Variants in CAMKMT observed in about 807,000 individuals in gnomAD.
CAMKMT encodes the protein CaM KMT.
A neutral mutation model predicts 48.0 loss-of-function variants in CAMKMT; 53 were observed. The observed-to-expected ratio is 1.10, with a 90% CI of 0.89 to 1.39. CAMKMT has a LOEUF of 1.39. Among genes scored for constraint, CAMKMT ranks in the 40% most tolerant of loss-of-function variants. The pLI, the probability that CAMKMT is intolerant of heterozygous loss-of-function variation, is 0.00. For missense variants in CAMKMT, 428 were observed against 402.7 expected, an observed-to-expected ratio of 1.06 and a Z score of -0.54; for synonymous variants, 165 against 152.3, an observed-to-expected ratio of 1.08 and a Z score of -0.61.
At chr2:44,562,719 CCCA>C (rs1668388004) in intron 3 of CAMKMT, among the ~76,000 whole-genome samples, 1 of 152,178 alleles carries the variant, frequency 6.6e-6, no homozygotes. Context: ...TGCCACCACA[CCCA>C]GCTAATTCTT....
chr2:44,753,899 C>A (rs929144655), intron 8 of CAMKMT, among the ~76,000 whole-genome samples, 156 bp from the exon 9 acceptor site: 6 of 152,222 alleles, frequency 3.9e-5, no homozygotes, highest in African/African-American at 1.4e-4. Flanking sequence ...CTTCTCCCCT[C>A]CCACCCCCTC....
At position 44,692,461 on chromosome 2, in the gene CAMKMT, T is replaced by G. The variant is rs534457209; in HGVS notation, c.377-11822T>G. 1.8e-3 allele frequency among the ~76,000 whole-genome samples: 267 copies of G among 152,206 alleles called. 1 individual carries two copies. The highest frequency in any genetic ancestry group is 2.8e-3 in the Non-Finnish European group (189 of 68,030). ...TTATTCTCTATTTCGTTAACATGTT[T>G]TATTTCCTTCACAGCACTATTCACT... On this transcript the variant is annotated intron_variant, in intron 3 of 10. Transcript: ENST00000378494.
chr2:44,691,981 G>T (rs1319447341), intron 3 of CAMKMT, among the ~76,000 whole-genome samples: 1 of 152,122 alleles, frequency 6.6e-6, no homozygotes, highest in Non-Finnish European at 1.5e-5. Context: ...ATCATATATT[G>T]TACAGAGTGA....
At chr2:44,634,967 G>C (rs1220535383) in intron 3 of CAMKMT, among the ~76,000 whole-genome samples, 1 of 152,186 alleles carries the variant, frequency 6.6e-6, no homozygotes, top group East Asian at 1.9e-4. Flanking sequence ...GCAGTGCTTT[G>C]GGAGGCCAAG....
chr2:44,420,205 T>C (rs991583965), intron 3 of CAMKMT, among the ~76,000 whole-genome samples: 5 of 152,168 alleles, frequency 3.3e-5, no homozygotes, highest in Non-Finnish European at 7.4e-5. Flanking sequence ...GCATATGAAA[T>C]AAAAAGGTGA....
chr2:44,524,965 TA>T (rs200808019), intron 3 of CAMKMT, among the ~76,000 whole-genome samples: 3,381 of 98,264 alleles, frequency 0.034, 107 homozygotes, highest in African/African-American at 0.09. Context: ...GCAAATTTCA[TA>T]AAAAAAAAAA....
At chr2:44,742,831 TA>T (rs1174173856) in intron 7 of CAMKMT, among the ~76,000 whole-genome samples, 4 of 152,094 alleles carry the variant, frequency 2.6e-5, no homozygotes, top group Non-Finnish European at 4.4e-5. Context: ...CGGTTAGGTT[TA>T]AAGAATCAAA....
At chr2:44,431,130 C>G (rs552361009) in intron 3 of CAMKMT, among the ~76,000 whole-genome samples, 6 of 152,250 alleles carry the variant, frequency 3.9e-5, no homozygotes, top group Admixed American at 3.9e-4. Context: ...TTAACCTATT[C>G]TTTTTAATGA....
chr2:44,577,814 C>A (rs138151699), intron 3 of CAMKMT, among the ~76,000 whole-genome samples: 3 of 152,020 alleles, frequency 2.0e-5, no homozygotes, highest in Non-Finnish European at 4.4e-5. Flanking sequence ...CTGCAGTGGA[C>A]CCAATTAAAT....
chr2:44,607,982 T>A lies in CAMKMT; in HGVS notation c.377-96301T>A, dbSNP rs548846792. 6.6e-5 allele frequency among the ~76,000 whole-genome samples: 10 copies of A among 152,086 alleles called. No homozygotes were observed. The East Asian group carries it at 1.9e-3, about 29-fold the overall frequency. On this transcript the variant is annotated intron_variant, in intron 3 of 10. Transcript: ENST00000378494. ...CACCACCCTTCTCCCACCACTAGAT[T>A]ATGTAAAATCACATACCAGGTATAA...
chr2:44,396,293 G>GT (rs72531826), intron 3 of CAMKMT, among the ~76,000 whole-genome samples: 1 of 64,016 alleles, frequency 1.6e-5, no homozygotes, highest in Non-Finnish European at 3.2e-5. Flanking sequence ...TATTCAAAAA[G>GT]CGCATCAAAA....
rs1185002397 is a variant in CAMKMT, at chr2:44,591,470, G to T, written c.377-112813G>T. On this transcript the variant is annotated intron_variant, in intron 3 of 10. Coordinates refer to ENST00000378494, the MANE Select transcript of CAMKMT (RefSeq NM_024766.5). ...AGTTCTCCTTGAAGAGGTCCTTCACGTCCCTTGTAAGTTGGATTCCTAGGT... is the reference window on the plus strand; with the variant it reads ...AGTTCTCCTTGAAGAGGTCCTTCACTTCCCTTGTAAGTTGGATTCCTAGGT... 5.3e-5 allele frequency among the ~76,000 whole-genome samples: 8 copies of T among 151,776 alleles called. No individual in the cohort carries two copies. The South Asian group carries it at 1.7e-3, about 32-fold the overall frequency.
intron 3 of CAMKMT, among the ~76,000 whole-genome samples, chr2:44,462,000 A>T (rs530987126): frequency 6.6e-6 from 1 of 152,318 alleles, no homozygotes; most frequent in East Asian, 1.9e-4. Flanking sequence ...TCAAGTAGCA[A>T]ATGCTTACAT....
rs560813738 is a variant in CAMKMT at position 44,443,802 on chromosome 2, C to T, written c.376+53497C>T. 5.3e-5 allele frequency among the ~76,000 whole-genome samples: 8 copies of T among 152,182 alleles called. No homozygotes were observed. The South Asian group carries it at 1.2e-3, about 24-fold the overall frequency. The stretch of plus-strand genomic sequence containing the variant: ...GAAAATGTTATGTTGTGCAGCTCTG[C>T]GAAGGGAGTTCATCCGTTCTCACCT... On this transcript the variant is annotated intron_variant, in intron 3 of 10. Coordinates refer to ENST00000378494, the MANE Select transcript of CAMKMT (RefSeq NM_024766.5).
intron 3 of CAMKMT, among the ~76,000 whole-genome samples, chr2:44,557,303 C>G (rs1458110808): frequency 6.6e-6 from 1 of 150,676 alleles, no homozygotes. Flanking sequence ...TTTTTTTTTC[C>G]TATTTAAAAG....
chr2:44,636,779 A>G (rs1339621165), intron 3 of CAMKMT, among the ~76,000 whole-genome samples: 2 of 152,204 alleles, frequency 1.3e-5, no homozygotes, highest in Admixed American at 6.6e-5. Flanking sequence ...TTGGAAAACT[A>G]TGACAAGAAA....
intron 3 of CAMKMT, among the ~76,000 whole-genome samples, chr2:44,432,842 A>C (rs946391718): frequency 6.7e-6 from 1 of 148,738 alleles, no homozygotes; most frequent in Non-Finnish European, 1.5e-5. Flanking sequence ...AAAAAAAAAC[A>C]TATGCTTTCC....
chr2:44,504,885 C>G (rs965427917), intron 3 of CAMKMT, among the ~76,000 whole-genome samples: 2 of 152,110 alleles, frequency 1.3e-5, no homozygotes, highest in African/African-American at 2.4e-5. Flanking sequence ...GCTCATGGTT[C>G]TACAGCTTGT....
chr2:44,596,689 C>G (rs770549611), intron 3 of CAMKMT, among the ~76,000 whole-genome samples: 1 of 152,136 alleles, frequency 6.6e-6, no homozygotes, highest in African/African-American at 2.4e-5. Context: ...AGGTCATGAT[C>G]AGTTTCTCAG....
Sources: gnomAD v4.1 joint callset for allele counts (sites outside exome capture counted in the v4.1 genomes callset) on GRCh38, gnomAD v4.1.1 for gene constraint, MANE v1.5 for transcripts, NCBI Gene and HGNC (gene_info 2026-07-23, HGNC 2026-07-21) for gene names.